UNC13C: variants seen among roughly 807,000 people sequenced by gnomAD.
UNC13C encodes unc-13 homolog C.
In UNC13C, 174 loss-of-function variants were observed where a neutral mutation model predicts 245.4. That is an observed-to-expected ratio of 0.71 (90% CI 0.63 to 0.80). The LOEUF (loss-of-function observed/expected upper bound fraction) is 0.80. Among genes scored for constraint, UNC13C ranks in the 30% least tolerant of loss-of-function variants. The pLI is 0.00. For synonymous variants in UNC13C, 992 were observed against 895.1 expected (o/e 1.11, Z -1.93); for missense variants, 2,829 against 2,602.9 (o/e 1.09, Z -1.89).
intron 4 of UNC13C, among the ~76,000 whole-genome samples, chr15:54,204,780 A>G (rs2034655137): frequency 1.3e-5 from 2 of 151,998 alleles, no homozygotes; most frequent in African/African-American, 4.8e-5. Context: ...AATTCAGGAT[A>G]GTAGTTAACT....
intron 4 of UNC13C, among the ~76,000 whole-genome samples, chr15:54,164,576 G>GA (rs2033099800): frequency 6.6e-6 from 1 of 152,208 alleles, no homozygotes; most frequent in Non-Finnish European, 1.5e-5. Context: ...ATCTAGGTGA[G>GA]AACAGGTATT....
In UNC13C at chr15:54,626,972, G is replaced by T. The variant is rs1016841724; in HGVS notation, c.6504G>T (p.Trp2168Cys). 2 of 1,613,294 alleles carry T rather than the reference G, an allele frequency of 1.2e-6. No individual in the cohort carries two copies. The highest frequency in any genetic ancestry group is 1.7e-6 in the Non-Finnish European group (2 of 1,179,604). ...NIAEKGSYGA[W>C]YPLLKNISMD... is the part of the protein sequence containing the mutation. ...CAGAAAAGGGAAGCTATGGGGCATG[G>T]TATCCTCTTCTGAAAAATATCTCTA... Residue 2168 changes from tryptophan to cysteine, a missense_variant, in exon 33 of 33, where the codon TGG (tryptophan) becomes TGT (cysteine). Trp to Cys is a radical substitution (Grantham distance 215). Coordinates refer to ENST00000260323, the MANE Select transcript of UNC13C (RefSeq NM_001080534.3).
intron 4 of UNC13C, among the ~76,000 whole-genome samples, chr15:54,181,880 A>G (rs1419114862): frequency 6.6e-6 from 1 of 151,782 alleles, no homozygotes; most frequent in Admixed American, 6.6e-5. Flanking sequence ...TTGTATTTTG[A>G]CTTTGTATCC....
the UNC13C span, among the ~76,000 whole-genome samples, chr15:53,939,446 C>T: frequency 1.3e-4 from 20 of 152,020 alleles, no homozygotes; most frequent in Admixed American, 6.6e-4. Flanking sequence ...GAAACTATTC[C>T]GAAAATTTGA....
the UNC13C span, among the ~76,000 whole-genome samples, chr15:53,957,027 TA>T: frequency 1.3e-5 from 2 of 151,908 alleles, no homozygotes; most frequent in Non-Finnish European, 2.9e-5. Flanking sequence ...TATTTTTCAC[TA>T]AAACAAATGC....
At chr15:54,287,169 C>T (rs1485123590) in intron 10 of UNC13C, among the ~76,000 whole-genome samples, 2 of 152,126 alleles carry the variant, frequency 1.3e-5, no homozygotes, top group African/African-American at 4.8e-5. Context: ...CATTCTCCCA[C>T]TATTACACAT....
chr15:54,403,882 C>A (rs2040239807), intron 18 of UNC13C, among the ~76,000 whole-genome samples: 1 of 152,114 alleles, frequency 6.6e-6, no homozygotes, highest in Admixed American at 6.5e-5. Context: ...CACTTATGAT[C>A]AACTTGCTTT....
chr15:54,365,586 G>T (rs760346010), intron 17 of UNC13C, among the ~76,000 whole-genome samples: 1 of 151,602 alleles, frequency 6.6e-6, no homozygotes, highest in African/African-American at 2.4e-5. Flanking sequence ...TTTGTATTAC[G>T]TAGGAATTTG....
chr15:54,602,847 A>ATCAC (rs905645867), intron 30 of UNC13C, among the ~76,000 whole-genome samples: 3 of 10,290 alleles, frequency 2.9e-4, no homozygotes, highest in African/African-American at 2.8e-3. Context: ...TCACTTGTTC[A>ATCAC]TTTTCTTTTA....
At position 54,321,333 on chromosome 15, in the gene UNC13C, A is replaced by G. The variant is rs140692675; in HGVS notation, c.4269-606A>G. 876 of 471,302 alleles carry G rather than the reference A, an allele frequency of 1.9e-3. 11 individuals carry two copies. Among genetic ancestry groups the G allele is most frequent in the African/African-American group, 0.016 (822 of 50,456 alleles). The allele number at this position is 471,302 out of a possible 1,614,324, so 29.2% of individuals were successfully genotyped here. ...ATAATCTCTTGGGTGATGTCCTTCA[A>G]TGTCTTCTTTAATGCCACCCACCAA... On this transcript the variant is annotated intron_variant, in intron 13 of 32. Coordinates refer to ENST00000260323, the MANE Select transcript of UNC13C (RefSeq NM_001080534.3).
the UNC13C span, among the ~76,000 whole-genome samples, chr15:53,847,729 T>A: frequency 6.6e-6 from 1 of 151,936 alleles, no homozygotes; most frequent in Non-Finnish European, 1.5e-5. Context: ...TATAGGAAAA[T>A]CAGCTTCAAT....
intron 1 of UNC13C, among the ~76,000 whole-genome samples, chr15:53,989,405 T>TAA (rs560944256): frequency 8.1e-4 from 118 of 146,120 alleles, no homozygotes; most frequent in African/African-American, 2.7e-3. Flanking sequence ...TTCGTGGATT[T>TAA]AAAAAAAAAA....
intron 2 of UNC13C, among the ~76,000 whole-genome samples, chr15:54,078,928 A>G (rs899169858): frequency 1.3e-5 from 2 of 152,080 alleles, no homozygotes; most frequent in Non-Finnish European, 1.5e-5. Flanking sequence ...TTATTCTAGA[A>G]TTTTTATAGT....
rs994053441 is a variant in UNC13C, at chr15:54,627,232, T to C, written c.*119T>C. 4 of 1,065,402 alleles carry C rather than the reference T, an allele frequency of 3.8e-6. No homozygotes were observed. The Admixed American group carries it at 1.2e-4, about 32-fold the overall frequency. The allele number at this position is 1,065,402 out of a possible 1,614,324, so 66.0% of individuals were successfully genotyped here. A position where few individuals can be genotyped will look rare whatever the true frequency, so the allele number is the denominator to read the frequency against. On this transcript the variant is annotated 3_prime_UTR_variant, in exon 33 of 33. Transcript: ENST00000260323. ...TGTTTGCCAGTACTCATGTACGATG[T>C]CTACAAGGTATGTAAAAAACCTGCT...
At chr15:54,167,765 A>G (rs906914004) in intron 4 of UNC13C, among the ~76,000 whole-genome samples, 1 of 152,112 alleles carries the variant, frequency 6.6e-6, no homozygotes, top group South Asian at 2.1e-4. Context: ...TATAAAAAAA[A>G]TCCTACAACT....
intron 17 of UNC13C, 61 bp from the exon 18 acceptor site, chr15:54,392,987 A>G: frequency 1.4e-6 from 2 of 1,438,848 alleles, no homozygotes; most frequent in Non-Finnish European, 1.8e-6. Context: ...TGACAGTGAC[A>G]TCTAACTAAA....
chr15:54,390,530 T>A (rs1420517206), intron 17 of UNC13C, among the ~76,000 whole-genome samples: 1 of 152,068 alleles, frequency 6.6e-6, no homozygotes, highest in East Asian at 1.9e-4. Flanking sequence ...ATTATAATAA[T>A]TACTATAATT....
At chr15:53,933,630 A>T in the UNC13C span, among the ~76,000 whole-genome samples, 1 of 152,160 alleles carries the variant, frequency 6.6e-6, no homozygotes, top group African/African-American at 2.4e-5. Flanking sequence ...CACAGTTAGC[A>T]TGCTGTAATT....
chr15:54,459,146 A>G (rs1470503160), intron 19 of UNC13C, among the ~76,000 whole-genome samples: 1 of 152,106 alleles, frequency 6.6e-6, no homozygotes, highest in African/African-American at 2.4e-5. Flanking sequence ...TCCTTCATTT[A>G]CGAAGCTTAG....
Sources: gnomAD v4.1 joint callset for allele counts (sites outside exome capture counted in the v4.1 genomes callset) on GRCh38, gnomAD v4.1.1 for gene constraint, MANE v1.5 for transcripts, NCBI Gene and HGNC (gene_info 2026-07-23, HGNC 2026-07-21) for gene names.